TRPV3: variants seen among roughly 807,000 people sequenced by gnomAD.
The protein encoded by TRPV3 is transient receptor potential cation channel subfamily V member 3.
In TRPV3, 88 loss-of-function variants were observed where a neutral mutation model predicts 87.1. That is an observed-to-expected ratio of 1.01 (90% CI 0.85 to 1.21). The LOEUF is 1.21. Ranked by LOEUF, TRPV3 falls within the 50% of genes most tolerant of loss-of-function variation. The pLI, the probability that TRPV3 is intolerant of heterozygous loss-of-function variation, is 0.00. For synonymous variants in TRPV3, 438 were observed against 423.3 expected, an observed-to-expected ratio of 1.03 and a Z score of -0.43; for missense variants, 1,054 against 1,030.1, an observed-to-expected ratio of 1.02 and a Z score of -0.32.
At chr17:3,526,958 C>A in intron 11 of TRPV3, 31 bp from the exon 12 acceptor site, 1 of 1,578,778 alleles carries the variant, frequency 6.3e-7, no homozygotes, top group Non-Finnish European at 8.7e-7. Context: ...AACAGTGCAC[C>A]CTCTTCATGG....
rs146125403 is a variant in TRPV3, at chr17:3,530,076, G to A, written c.1193C>T (p.Thr398Ile). ...GATTTCCAGCACTGAGTTGTCCGTG[G>A]TGGTGTCCACGTTGGTGAGGTCGTA... ...SLYDLTNVDTTTDNSVLEITV... is the reference protein window; with the variant it reads ...SLYDLTNVDTITDNSVLEITV... The change falls in exon 9 of 18, where the codon ACC becomes ATC. Residue 398 changes from threonine (T) to isoleucine (I), a missense_variant. By Grantham distance (89) the Thr-to-Ile change is moderately conservative. Coordinates refer to ENST00000576742, the MANE Select transcript of TRPV3 (RefSeq NM_145068.4). The surrounding 1 kb of genome is among the most constrained non-coding windows in gnomAD (Gnocchi z 4.0). The A allele has an allele frequency of 9.8e-5, 158 of 1,614,062 alleles. No homozygotes were observed. Among genetic ancestry groups the A allele is most frequent in the Admixed American group, 3.7e-4 (22 of 60,022 alleles).
chr17:3,541,841 C>A (rs914931357), intron 6 of TRPV3, among the ~76,000 whole-genome samples: 1 of 152,232 alleles, frequency 6.6e-6, no homozygotes, highest in Non-Finnish European at 1.5e-5. Context: ...AAGTTGCCCT[C>A]CCCCAGTCAC....
chr17:3,547,360 T>A (rs2074536312), intron 2 of TRPV3, among the ~76,000 whole-genome samples: 2 of 152,060 alleles, frequency 1.3e-5, no homozygotes, highest in South Asian at 4.2e-4. Context: ...GTGGCCCAAG[T>A]CTGTAATCCC....
intron 2 of TRPV3, among the ~76,000 whole-genome samples, chr17:3,546,966 T>TCAAAAAAAAAAAAAAA (rs1555546252): frequency 1.8e-5 from 1 of 54,748 alleles, no homozygotes; most frequent in African/African-American, 1.3e-4. Context: ...GGACTCCTTC[T>TCAAAAAAAAAAAAAAA]CAAAAAAAAA....
chr17:3,516,282 C>G (rs2074182556), intron 16 of TRPV3, among the ~76,000 whole-genome samples, 175 bp downstream of exon 16: 1 of 152,172 alleles, frequency 6.6e-6, no homozygotes, highest in Non-Finnish European at 1.5e-5. Flanking sequence ...ACCCCCATCT[C>G]AGGGCCTGCA....
intron 12 of TRPV3, 136 bp downstream of exon 12, chr17:3,526,718 T>C: frequency 1.4e-6 from 1 of 699,506 alleles, no homozygotes; most frequent in Non-Finnish European, 2.5e-6. Context: ...AGGAGACCCC[T>C]GGCGTGTAAC....
At position 3,511,443 on chromosome 17, in the gene TRPV3, T is replaced by A. The variant is rs920571429; in HGVS notation, c.*2474A>T. On this transcript the variant is annotated 3_prime_UTR_variant, in exon 18 of 18. Coordinates refer to ENST00000576742, the MANE Select transcript of TRPV3 (RefSeq NM_145068.4). ...TCTGATATGACCTTCCTGCATGACT[T>A]TGCCCAAGTACACATTCCTCTCGGA... 6.6e-6 allele frequency: 1 copy of A among 152,234 alleles called. No individual in the cohort carries two copies. The highest frequency in any genetic ancestry group is 1.9e-4 in the East Asian group (1 of 5,196). 9.4% of individuals were successfully genotyped at this position (152,234 alleles called of 1,614,324 possible).
At chr17:3,519,601 ACTGG>A (rs1262730439) in intron 14 of TRPV3, among the ~76,000 whole-genome samples, 2 of 11,758 alleles carry the variant, frequency 1.7e-4, no homozygotes, top group East Asian at 3.6e-3. Flanking sequence ...TGGATGGATG[ACTGG>A]ATGGATGGAT....
In TRPV3 at chr17:3,530,245, G is replaced by A. The variant is rs373938286; in HGVS notation, c.1066-42C>T. 3.5e-5 allele frequency: 55 copies of A among 1,580,802 alleles called. No homozygotes were observed. The highest frequency in any genetic ancestry group is 4.2e-5 in the Non-Finnish European group (49 of 1,160,752). ...AACAACCATCAGCTGCAGAACAGGG[G>A]CTTAAGGCCAACAGGGCTGGACCAG... On this transcript the variant is annotated intron_variant, in intron 8 of 17. Transcript: ENST00000576742. This position sits in a 1 kb window ranked among gnomAD's most constrained non-coding sequence, Gnocchi z 4.0.
At chr17:3,521,544 T>C (rs2074246087) in intron 13 of TRPV3, among the ~76,000 whole-genome samples, 1 of 152,194 alleles carries the variant, frequency 6.6e-6, no homozygotes, top group African/African-American at 2.4e-5. Context: ...AGATCATAAA[T>C]GTTCTCACCA....
Position 3,535,569 on chromosome 17 carries a change from C to T in TRPV3, c.784+4G>A, listed in dbSNP as rs758501345. ...ACTCCGCACCGGGCGGGGGCGGCAC[C>T]CACCGAAGTAGAAGCCTTCGTGTTG... On this transcript the variant is annotated splice_donor_region_variant and intron_variant, in intron 7 of 17. Transcript: ENST00000576742. The T allele has an allele frequency of 1.4e-5, 23 of 1,593,722 alleles. No individual in the cohort carries two copies. The highest frequency in any genetic ancestry group is 3.3e-4 in the Middle Eastern group (2 of 5,994).
chr17:3,554,548 C>A (rs1447842915), intron 2 of TRPV3, 184 bp downstream of exon 2: 16 of 546,756 alleles, frequency 2.9e-5, no homozygotes, highest in Non-Finnish European at 4.2e-5. Flanking sequence ...CAGCTCAGCC[C>A]CCTGAGTGTG....
intron 16 of TRPV3, 125 bp downstream of exon 16, chr17:3,516,332 A>G: frequency 1.3e-6 from 1 of 753,156 alleles, no homozygotes; most frequent in Non-Finnish European, 2.3e-6. Context: ...AGGCCACTGG[A>G]AGAGACAGTA....
chr17:3,542,629 A>T lies in TRPV3; in HGVS notation c.536T>A (p.Ile179Asn). Residue 179 changes from isoleucine to asparagine, a missense_variant, in exon 6 of 18, where the codon ATC becomes AAC. Coordinates refer to ENST00000576742, the MANE Select transcript of TRPV3 (RefSeq NM_145068.4). ...CACTATCTCCTTGGTGTTGGGGTTGATGTTTAACAAGGCCTTCATCAGGCA... is the reference window on the plus strand; with the variant it reads ...CACTATCTCCTTGGTGTTGGGGTTGTTGTTTAACAAGGCCTTCATCAGGCA... ...KTCLMKALLN[I>N]NPNTKEIVRI... 6.2e-7 allele frequency: 1 copy of T among 1,614,028 alleles called. No individual in the cohort carries two copies. The highest frequency in any genetic ancestry group is 8.5e-7 in the Non-Finnish European group (1 of 1,179,938).
intron 2 of TRPV3, among the ~76,000 whole-genome samples, chr17:3,547,864 T>C (rs2074541098): frequency 6.6e-6 from 1 of 152,108 alleles, no homozygotes; most frequent in Non-Finnish European, 1.5e-5. Flanking sequence ...ACACCCGTGA[T>C]GTGACTCCCA....
At position 3,544,570 on chromosome 17, in the gene TRPV3, C is replaced by T. The variant is rs767950735; in HGVS notation, c.311+9G>A. 6.3e-7 allele frequency: 1 copy of T among 1,586,876 alleles called. No homozygotes were observed. The highest frequency in any genetic ancestry group is 1.1e-5 in the South Asian group (1 of 88,774). ...GGCACAGTGGGTGGAGGGGGAGGGG[C>T]AGACTTACCTGGGGCTGTTGGGATT... is the stretch of plus-strand genomic sequence containing the variant. On this transcript the variant is annotated intron_variant, in intron 4 of 17. Transcript: ENST00000576742.
chr17:3,545,989 CAAAAAA>C (rs376341464), intron 2 of TRPV3, among the ~76,000 whole-genome samples: 111 of 113,914 alleles, frequency 9.7e-4, no homozygotes, highest in Middle Eastern at 4.7e-3. Flanking sequence ...GACTCCGTCT[CAAAAAA>C]AAAAAAAAAA....
chr17:3,523,181 G>T (rs192577891), intron 13 of TRPV3, among the ~76,000 whole-genome samples: 1 of 152,260 alleles, frequency 6.6e-6, no homozygotes, highest in Admixed American at 6.5e-5. Flanking sequence ...TCTGTCTGCA[G>T]CCTTTACATT....
At position 3,530,660 on chromosome 17, in the gene TRPV3, G is replaced by A. The variant is rs1227651738; in HGVS notation, c.1066-457C>T. 6.6e-6 allele frequency among the ~76,000 whole-genome samples: 1 copy of A among 152,190 alleles called. No homozygotes were observed. The highest frequency in any genetic ancestry group is 2.4e-5 in the African/African-American group (1 of 41,448). On this transcript the variant is annotated intron_variant, in intron 8 of 17. Coordinates refer to ENST00000576742, the MANE Select transcript of TRPV3 (RefSeq NM_145068.4). This position sits in a 1 kb window ranked among gnomAD's most constrained non-coding sequence, Gnocchi z 4.0. ...GCTCACCACTCTGGCCAGGCAGGTG[G>A]TGACGAGAGACACCACGCCCTACAG...
Sources: allele counts gnomAD v4.1 joint callset (sites outside exome capture counted in the v4.1 genomes callset), GRCh38; gene constraint gnomAD v4.1.1; non-coding constraint Gnocchi (gnomAD v3.1); transcripts MANE v1.5; gene names NCBI Gene and HGNC (gene_info 2026-07-23, HGNC 2026-07-21).